The following CLVS1 variants were observed in gnomAD, a reference collection of about 807,000 sequenced individuals.
CLVS1 encodes clavesin 1, also known as clavesin-1.
Under a neutral mutation model 33.1 loss-of-function variants are expected in CLVS1, and 10 were observed. The observed-to-expected ratio is 0.30, with a 90% confidence interval of 0.19 to 0.51. CLVS1 has a LOEUF of 0.51. CLVS1 is among the 20% of genes least tolerant of loss of function. The probability of loss-of-function intolerance (pLI) is 0.97; values close to 1 mark genes in which losing one functional copy is unlikely to be tolerated. For synonymous variants in CLVS1, 163 were observed against 166.1 expected, an observed-to-expected ratio of 0.98 and a Z score of 0.14; for missense variants, 343 against 433.4, an observed-to-expected ratio of 0.79 and a Z score of 1.85.
intron 2 of CLVS1, among the ~76,000 whole-genome samples, chr8:61,329,820 C>A (rs1811526723): frequency 6.6e-6 from 1 of 152,144 alleles, no homozygotes. Context: ...CCCTATATAA[C>A]CTTTTGCCAT....
chr8:60,969,566 A>G, the CLVS1 span, among the ~76,000 whole-genome samples: 9 of 152,190 alleles, frequency 5.9e-5, no homozygotes, highest in Non-Finnish European at 1.3e-4. Flanking sequence ...CATCATGGCC[A>G]GGAACTCAGT....
At chr8:61,446,068 C>T (rs1209264815) in intron 3 of CLVS1, among the ~76,000 whole-genome samples, 2 of 152,070 alleles carry the variant, frequency 1.3e-5, no homozygotes, top group African/African-American at 4.8e-5. Context: ...GTCAAACTTG[C>T]TAATAGTTTG....
At position 61,456,831 on chromosome 8, in the gene CLVS1, C is replaced by T. The variant is rs531399310; in HGVS notation, c.742-1476C>T. 1.9e-3 allele frequency among the ~76,000 whole-genome samples: 282 copies of T among 150,922 alleles called. 2 individuals carry two copies. The highest frequency in any genetic ancestry group is 5.3e-3 in the African/African-American group (218 of 41,124). On this transcript the variant is annotated intron_variant, in intron 4 of 5. Transcript: ENST00000325897. Reference sequence around the variant, plus strand: ...TACTGAGGAGGCTGAGGCAGGAGAACGGCATGAACCTGGGAGGGGGAGCTT... The same window carrying T: ...TACTGAGGAGGCTGAGGCAGGAGAATGGCATGAACCTGGGAGGGGGAGCTT...
intron 2 of CLVS1, among the ~76,000 whole-genome samples, chr8:61,231,583 T>G (rs1301642258): frequency 1.7e-5 from 2 of 120,758 alleles, no homozygotes; most frequent in South Asian, 5.1e-4. Context: ...TTTCACCTCC[T>G]AAGTATAAAG....
intron 5 of CLVS1, among the ~76,000 whole-genome samples, chr8:61,494,843 T>C (rs1231056970): frequency 6.6e-6 from 1 of 152,338 alleles, no homozygotes; most frequent in East Asian, 1.9e-4. Flanking sequence ...ATGTGCTACT[T>C]ATATCAAATG....
intron 2 of CLVS1, among the ~76,000 whole-genome samples, chr8:61,176,330 A>G (rs1807111043): frequency 6.6e-6 from 1 of 152,174 alleles, no homozygotes. Context: ...TTCATAAGCC[A>G]GTCAGCTCCA....
At chr8:61,223,061 CTGTG>C (rs1327915300) in intron 2 of CLVS1, among the ~76,000 whole-genome samples, 1 of 151,384 alleles carries the variant, frequency 6.6e-6, no homozygotes, top group African/African-American at 2.4e-5. Context: ...TAATTTGAGC[CTGTG>C]TGTGTCTTTG....
chr8:61,374,223 C>T (rs1484233596), intron 2 of CLVS1, among the ~76,000 whole-genome samples: 2 of 152,112 alleles, frequency 1.3e-5, no homozygotes, highest in Non-Finnish European at 2.9e-5. Context: ...TCTGTCATAC[C>T]CTTGCTTCTT....
At chr8:61,043,454 T>C in the CLVS1 span, among the ~76,000 whole-genome samples, 8 of 152,358 alleles carry the variant, frequency 5.3e-5, no homozygotes, top group East Asian at 1.5e-3. Flanking sequence ...TCATAGCAGA[T>C]GACAATGAAC....
chr8:61,268,235 C>T (rs1403356463), intron 2 of CLVS1, among the ~76,000 whole-genome samples: 1 of 141,070 alleles, frequency 7.1e-6, no homozygotes. Flanking sequence ...TCTCATTGTT[C>T]AATTCCCACC....
intron 2 of CLVS1, among the ~76,000 whole-genome samples, chr8:61,319,087 A>G (rs549604350): frequency 4.6e-5 from 7 of 152,266 alleles, no homozygotes; most frequent in South Asian, 4.1e-4. Flanking sequence ...TCAATTAGCT[A>G]TAGTCCTGGA....
chr8:61,251,547 CT>C (rs1585722801), intron 2 of CLVS1, among the ~76,000 whole-genome samples: 1 of 152,072 alleles, frequency 6.6e-6, no homozygotes, highest in Non-Finnish European at 1.5e-5. Context: ...TGGTCCTGGG[CT>C]TTTTTTGGTT....
the CLVS1 span, among the ~76,000 whole-genome samples, chr8:61,032,199 G>T: frequency 1.3e-5 from 2 of 152,182 alleles, no homozygotes; most frequent in Non-Finnish European, 2.9e-5. Context: ...ATCCTGAGAG[G>T]AGAGACTGTG....
chr8:61,451,812 C>CAGAGAGAGAGAGAGAGAG (rs71257362), intron 3 of CLVS1, among the ~76,000 whole-genome samples: 32 of 142,930 alleles, frequency 2.2e-4, no homozygotes, highest in African/African-American at 7.8e-4. Context: ...CACACACACA[C>CAGAGAGAGAGAGAGAGAG]AGAGAGAGAG....
At chr8:61,094,738 A>G (rs943808658) in intron 1 of CLVS1, among the ~76,000 whole-genome samples, 1 of 152,194 alleles carries the variant, frequency 6.6e-6, no homozygotes, top group African/African-American at 2.4e-5. Context: ...GGGCACAGGA[A>G]AAAAACATTC....
intron 3 of CLVS1, among the ~76,000 whole-genome samples, chr8:61,426,481 T>C (rs1374922276): frequency 6.6e-6 from 1 of 152,244 alleles, no homozygotes; most frequent in Non-Finnish European, 1.5e-5. Context: ...TGTGTCTTCA[T>C]GCCATTTATG....
At chr8:61,053,460 A>C (rs1162740986), upstream of CLVS1, among the ~76,000 whole-genome samples, 1 of 152,232 alleles carries the variant, frequency 6.6e-6, no homozygotes, top group East Asian at 1.9e-4. Context: ...GTGGTTATCC[A>C]TGTCAACTAT....
At chr8:60,969,008 A>G in the CLVS1 span, among the ~76,000 whole-genome samples, 3 of 151,896 alleles carry the variant, frequency 2.0e-5, no homozygotes, top group Admixed American at 6.6e-5. Context: ...ACAAACATGT[A>G]TATTACATAC....
intron 2 of CLVS1, among the ~76,000 whole-genome samples, chr8:61,159,031 A>G (rs1806702423): frequency 6.6e-6 from 1 of 152,068 alleles, no homozygotes; most frequent in African/African-American, 2.4e-5. Context: ...ACCATGCTAT[A>G]ATTAAAAACA....
Sources: allele counts gnomAD v4.1 joint callset (sites outside exome capture counted in the v4.1 genomes callset), GRCh38; gene constraint gnomAD v4.1.1; transcripts MANE v1.5; gene names NCBI Gene and HGNC (gene_info 2026-07-23, HGNC 2026-07-21).